PCSK6: variants seen among roughly 807,000 people sequenced by gnomAD.
The protein encoded by PCSK6 is proprotein convertase subtilisin/kexin type 6.
A neutral mutation model predicts 123.3 loss-of-function variants in PCSK6; 85 were observed. The ratio of observed to expected loss-of-function variants is 0.69; its 90% CI spans 0.58 to 0.83. The LOEUF (loss-of-function observed/expected upper bound fraction) is 0.83. Among genes scored for constraint, PCSK6 ranks in the 40% least tolerant of loss-of-function variants. The pLI, the probability that PCSK6 is intolerant of heterozygous loss-of-function variation, is 0.00. For missense variants in PCSK6, 1,191 were observed against 1,282.3 expected (o/e 0.93, Z 1.09); for synonymous variants, 508 against 516.0 (o/e 0.98, Z 0.21).
At position 101,389,491 on chromosome 15, in the gene PCSK6, C is replaced by T; in HGVS notation, c.1283G>A (p.Gly428Asp). The T allele has an allele frequency of 1.2e-6, 2 of 1,613,244 alleles. No individual in the cohort carries two copies. Among genetic ancestry groups the T allele is most frequent in the East Asian group, 2.2e-5 (1 of 44,892 alleles). Reference sequence around the variant, plus strand: ...TGCTTCTAGAGCCAAGGCGATGATGCCCGCCACCATGGGGGCAGAGACTGA... The same window carrying T: ...TGCTTCTAGAGCCAAGGCGATGATGTCCGCCACCATGGGGGCAGAGACTGA... ...GTSVSAPMVA[G>D]IIALALEANS... is the part of the protein sequence containing the mutation. The change falls in exon 9 of 22, where the codon GGC becomes GAC. Residue 428 changes from glycine to aspartate, a missense_variant. Physicochemically the swap from Gly to Asp is moderately conservative, Grantham distance 94. Coordinates refer to ENST00000611716, the MANE Select transcript of PCSK6 (RefSeq NM_002570.5).
chr15:101,436,484 G>GT (rs2056605311), intron 2 of PCSK6, among the ~76,000 whole-genome samples: 1 of 152,204 alleles, frequency 6.6e-6, no homozygotes, highest in Non-Finnish European at 1.5e-5. Context: ...ACTTTATTCT[G>GT]TAACTGTGAA....
chr15:101,401,397 C>T (rs1456667681), intron 6 of PCSK6, among the ~76,000 whole-genome samples: 6 of 152,220 alleles, frequency 3.9e-5, no homozygotes, highest in Non-Finnish European at 5.9e-5. Flanking sequence ...CCTACCTCAG[C>T]GAGCTGGCTG....
intron 1 of PCSK6, among the ~76,000 whole-genome samples, chr15:101,451,358 A>G (rs1233369727): frequency 6.6e-6 from 1 of 152,000 alleles, no homozygotes; most frequent in East Asian, 1.9e-4. Context: ...TGCAGTTCGT[A>G]GCCCTCGAGC....
rs541631178 is a variant in PCSK6 at position 101,391,904 on chromosome 15, C to T, written c.1209+1308G>A. On this transcript the variant is annotated intron_variant, in intron 8 of 21. Coordinates refer to ENST00000611716, the MANE Select transcript of PCSK6 (RefSeq NM_002570.5). ...TACCCTTCTTACCCACATATTATTG[C>T]TCAGGGAAGAGAATTTTAAAATAAG... is the stretch of plus-strand genomic sequence containing the variant. Among the ~76,000 whole-genome samples the T allele has an allele frequency of 3.9e-5, 6 of 152,312 alleles. No individual in the cohort carries two copies. In the South Asian group the frequency reaches 1.2e-3, roughly 32 times the overall value.
At position 101,354,491 on chromosome 15, in the gene PCSK6, G is replaced by A. The variant is rs537199085; in HGVS notation, c.1858+11705C>T. Among the ~76,000 whole-genome samples, 4 of 152,312 alleles carry A rather than the reference G, an allele frequency of 2.6e-5. No homozygotes were observed. In the South Asian group the frequency reaches 6.2e-4, roughly 24 times the overall value. The stretch of plus-strand genomic sequence containing the variant: ...AAATCCCTGTCTCTACGTGTCCCAC[G>A]GCACATTGAGCATTTACTCCTCACA... On this transcript the variant is annotated intron_variant, in intron 13 of 21. Transcript: ENST00000611716.
chr15:101,340,040 C>T (rs1423952629), intron 13 of PCSK6, among the ~76,000 whole-genome samples: 1 of 152,006 alleles, frequency 6.6e-6, no homozygotes, highest in African/African-American at 2.4e-5. Context: ...TTAAAATACA[C>T]TTTAAGTTCA....
Position 101,347,786 on chromosome 15 carries a change from C to T in PCSK6, c.1859-15755G>A, listed in dbSNP as rs773558745. ...GTTTTAGTCCAGGTTCCCTGGAAAA[C>T]AAGGGACTGAAGTGAAGCCCATGGG... On this transcript the variant is annotated intron_variant, in intron 13 of 21. Coordinates refer to ENST00000611716, the MANE Select transcript of PCSK6 (RefSeq NM_002570.5). The T allele has an allele frequency of 8.7e-6, 14 of 1,610,292 alleles. No homozygotes were observed. In the South Asian group the frequency reaches 1.3e-4, roughly 15 times the overall value.
At chr15:101,314,907 C>A (rs986949913) in intron 19 of PCSK6, among the ~76,000 whole-genome samples, 1 of 152,178 alleles carries the variant, frequency 6.6e-6, no homozygotes, top group African/African-American at 2.4e-5. Context: ...TGGCCAATGC[C>A]GCCCCTCCCC....
intron 12 of PCSK6, among the ~76,000 whole-genome samples, chr15:101,367,886 G>A (rs3784504): frequency 1.6e-4 from 25 of 152,200 alleles, no homozygotes; most frequent in Admixed American, 3.3e-4. Flanking sequence ...GTGCAGAGGC[G>A]TGACCTCAGC....
chr15:101,430,208 G>A (rs905744096), intron 4 of PCSK6, 145 bp from the exon 5 acceptor site: 43 of 668,000 alleles, frequency 6.4e-5, no homozygotes, highest in Middle Eastern at 2.8e-4. Flanking sequence ...CGTTTTTATC[G>A]TGGTAAAATA....
At chr15:101,460,063 C>T (rs183576621) in intron 1 of PCSK6, among the ~76,000 whole-genome samples, 296 of 152,104 alleles carry the variant, frequency 1.9e-3, no homozygotes, top group Non-Finnish European at 3.1e-3. Context: ...AACTGAGGGC[C>T]TCCTCCCCAC....
At chr15:101,458,381 T>G (rs1272255833) in intron 1 of PCSK6, among the ~76,000 whole-genome samples, 1 of 152,104 alleles carries the variant, frequency 6.6e-6, no homozygotes. Flanking sequence ...TAAACCCAAA[T>G]GCCGTAGAGA....
chr15:101,389,605 A>C, intron 8 of PCSK6, 41 bp from the exon 9 acceptor site: 2 of 1,505,090 alleles, frequency 1.3e-6, no homozygotes, highest in Non-Finnish European at 1.8e-6. Flanking sequence ...GATGGCAGAC[A>C]GGCTAACTCA....
At chr15:101,451,577 T>A (rs1297816756) in intron 1 of PCSK6, among the ~76,000 whole-genome samples, 2 of 152,086 alleles carry the variant, frequency 1.3e-5, no homozygotes, top group Non-Finnish European at 2.9e-5. Context: ...CTGTACTTTA[T>A]CACTCCCAAA....
At chr15:101,322,063 T>C (rs886335422) in intron 18 of PCSK6, among the ~76,000 whole-genome samples, 1 of 152,146 alleles carries the variant, frequency 6.6e-6, no homozygotes, top group Non-Finnish European at 1.5e-5. Flanking sequence ...CTGAGCCTGA[T>C]GAACAGGGAG....
rs1019410401 is a variant in PCSK6, at chr15:101,305,544, C to T, written c.2813-189G>A. 2.5e-5 allele frequency: 13 copies of T among 518,910 alleles called. No individual in the cohort carries two copies. The Admixed American group carries it at 4.1e-4, about 16-fold the overall frequency. The allele number at this position is 518,910 out of a possible 1,614,324, so 32.1% of individuals were successfully genotyped here. ...CCAACATGGTGAAACCCCGTCTCTA[C>T]TAATAATATAAAAATTAGCTGGGCA... On this transcript the variant is annotated intron_variant, in intron 21 of 21. Transcript: ENST00000611716. This position sits in a 1 kb window ranked among gnomAD's most constrained non-coding sequence, Gnocchi z 4.8.
rs896859325 is a variant in PCSK6 at position 101,489,641 on chromosome 15, C to T, written c.30G>A (p.Gly10=). 38 of 975,426 alleles carry T rather than the reference C, an allele frequency of 3.9e-5. No individual in the cohort carries two copies. Among genetic ancestry groups the T allele is most frequent in the Admixed American group, 1.9e-4 (3 of 15,530 alleles). The allele number at this position is 975,426 out of a possible 1,614,324, so 60.4% of individuals were successfully genotyped here. Residue 10 remains glycine, a synonymous_variant, in exon 1 of 22, where the codon GGG becomes GGA. Coordinates refer to ENST00000611716, the MANE Select transcript of PCSK6 (RefSeq NM_002570.5). ...CGGCGGCCCGGGGCGGCGGCCGGGG[C>T]CCGGGCGCAGGCGGCGCGCGCGGAG... MPPRAPPAP[G]PRPPPRAAAA... is the part of the protein sequence containing the mutation.
intron 9 of PCSK6, among the ~76,000 whole-genome samples, chr15:101,388,964 G>T (rs2042149855): frequency 6.6e-6 from 1 of 152,138 alleles, no homozygotes; most frequent in Non-Finnish European, 1.5e-5. Flanking sequence ...GAAGTCTTAG[G>T]CCCCAGTACC....
chr15:101,443,461 C>A, intron 2 of PCSK6, 95 bp downstream of exon 2: 1 of 814,962 alleles, frequency 1.2e-6, no homozygotes, highest in South Asian at 1.5e-5. Flanking sequence ...AAACTCATGT[C>A]TATCCAGAAT....
Sources: allele counts gnomAD v4.1 joint callset (sites outside exome capture counted in the v4.1 genomes callset), GRCh38; gene constraint gnomAD v4.1.1; non-coding constraint Gnocchi (gnomAD v3.1); transcripts MANE v1.5; gene names NCBI Gene and HGNC (gene_info 2026-07-23, HGNC 2026-07-21).